RPS6KC1: variants seen among roughly 807,000 people sequenced by gnomAD.
The protein encoded by RPS6KC1 is ribosomal protein S6 kinase C1, also known as inactive ribosomal protein S6 kinase delta-1.
In RPS6KC1, 54 loss-of-function variants were observed where a neutral mutation model predicts 103.8. That is an observed-to-expected ratio of 0.52 (90% CI 0.42 to 0.65). The LOEUF (loss-of-function observed/expected upper bound fraction) is 0.65, where lower values mean the gene tolerates loss of function less well. Ranked by LOEUF, RPS6KC1 falls within the 30% of genes least tolerant of loss-of-function variation. The probability of loss-of-function intolerance (pLI) is 0.00; values close to 1 mark genes in which losing one functional copy is unlikely to be tolerated. For missense variants in RPS6KC1, 1,151 were observed against 1,253.8 expected, an observed-to-expected ratio of 0.92 and a Z score of 1.24; for synonymous variants, 439 against 438.7, an observed-to-expected ratio of 1.00 and a Z score of -0.01.
the RPS6KC1 span, among the ~76,000 whole-genome samples, chr1:213,508,964 G>T: frequency 3.3e-5 from 5 of 152,286 alleles, no homozygotes; most frequent in East Asian, 7.7e-4. Flanking sequence ...TCCCAGGTGG[G>T]TTGTAAAAAA....
chr1:213,398,216 T>G, the RPS6KC1 span, among the ~76,000 whole-genome samples: 3 of 149,278 alleles, frequency 2.0e-5, no homozygotes, highest in African/African-American at 7.5e-5. Context: ...TTTTTTTTTT[T>G]TGTATTTTTA....
chr1:213,440,375 C>T, the RPS6KC1 span, among the ~76,000 whole-genome samples: 6 of 152,132 alleles, frequency 3.9e-5, no homozygotes, highest in Admixed American at 3.9e-4. Context: ...GATGTGAAGA[C>T]TTCTTTCTCT....
chr1:213,281,173 T>G, the RPS6KC1 span, among the ~76,000 whole-genome samples: 7 of 152,166 alleles, frequency 4.6e-5, no homozygotes, highest in Middle Eastern at 3.2e-3. Flanking sequence ...AGGGGCTATT[T>G]CCCCCATCTT....
At chr1:213,844,802 C>T in the RPS6KC1 span, among the ~76,000 whole-genome samples, 2 of 152,252 alleles carry the variant, frequency 1.3e-5, no homozygotes, top group African/African-American at 4.8e-5. Flanking sequence ...TAAGCAAATA[C>T]ACCACTAAGT....
At chr1:213,749,477 C>T in the RPS6KC1 span, among the ~76,000 whole-genome samples, 1 of 152,136 alleles carries the variant, frequency 6.6e-6, no homozygotes, top group Non-Finnish European at 1.5e-5. Flanking sequence ...CATACAACTG[C>T]CAAGCACATG....
the RPS6KC1 span, among the ~76,000 whole-genome samples, chr1:213,568,665 A>G: frequency 6.6e-6 from 1 of 152,106 alleles, no homozygotes; most frequent in African/African-American, 2.4e-5. Context: ...AAACAATATC[A>G]TGCCCATTTT....
chr1:213,428,525 T>TTCCTTC, the RPS6KC1 span, among the ~76,000 whole-genome samples: 2 of 30,918 alleles, frequency 6.5e-5, no homozygotes, highest in East Asian at 4.7e-3. Flanking sequence ...TTCCTCTTTC[T>TTCCTTC]CTCTCTCTCT....
At chr1:213,424,679 T>C in the RPS6KC1 span, among the ~76,000 whole-genome samples, 2 of 152,236 alleles carry the variant, frequency 1.3e-5, no homozygotes, top group African/African-American at 4.8e-5. Flanking sequence ...TTCATTTTGT[T>C]GTTGTTTTAT....
the RPS6KC1 span, among the ~76,000 whole-genome samples, chr1:213,563,974 T>C: frequency 1.1e-5 from 1 of 90,176 alleles, no homozygotes; most frequent in South Asian, 3.5e-4. Context: ...GCTTACCTCT[T>C]TTTTTTTTTT....
the RPS6KC1 span, among the ~76,000 whole-genome samples, chr1:213,282,108 G>A: frequency 6.6e-6 from 1 of 152,230 alleles, no homozygotes; most frequent in Non-Finnish European, 1.5e-5. Context: ...AAGCATTGCC[G>A]GCAGTTGTGC....
At chr1:213,404,013 A>T in the RPS6KC1 span, among the ~76,000 whole-genome samples, 1 of 152,162 alleles carries the variant, frequency 6.6e-6, no homozygotes, top group African/African-American at 2.4e-5. Flanking sequence ...GAGAAGGCAG[A>T]TGAGGGAGGC....
chr1:213,623,316 C>T, the RPS6KC1 span, among the ~76,000 whole-genome samples: 1 of 152,084 alleles, frequency 6.6e-6, no homozygotes, highest in Non-Finnish European at 1.5e-5. Flanking sequence ...GGGAGATTTG[C>T]GGAACCGTGT....
At chr1:213,502,583 T>C in the RPS6KC1 span, among the ~76,000 whole-genome samples, 1 of 152,190 alleles carries the variant, frequency 6.6e-6, no homozygotes, top group African/African-American at 2.4e-5. Flanking sequence ...TTATGGTCCA[T>C]CTATAAATCA....
chr1:213,809,498 C>T, the RPS6KC1 span, among the ~76,000 whole-genome samples: 27 of 152,012 alleles, frequency 1.8e-4, no homozygotes, highest in East Asian at 3.9e-4. Flanking sequence ...ACAGGGTTTT[C>T]GCAAACCTTA....
intron 1 of RPS6KC1, among the ~76,000 whole-genome samples, chr1:213,061,169 A>G (rs996630194): frequency 6.6e-6 from 1 of 152,148 alleles, no homozygotes; most frequent in Non-Finnish European, 1.5e-5. Context: ...CATCCATCAC[A>G]TTGGGGATGA....
the RPS6KC1 span, among the ~76,000 whole-genome samples, chr1:213,438,962 T>G: frequency 2.0e-5 from 3 of 151,880 alleles, no homozygotes; most frequent in African/African-American, 7.2e-5. Flanking sequence ...CCCAGCTAAT[T>G]TTTTGTATTT....
the RPS6KC1 span, among the ~76,000 whole-genome samples, chr1:213,790,608 AAGAG>A: frequency 6.6e-6 from 1 of 152,162 alleles, no homozygotes; most frequent in Non-Finnish European, 1.5e-5. Flanking sequence ...GGGGAAGAGA[AAGAG>A]AGAGAAAAAG....
chr1:213,491,037 T>C, the RPS6KC1 span, among the ~76,000 whole-genome samples: 9 of 152,146 alleles, frequency 5.9e-5, no homozygotes. Context: ...GAGCTGTGTT[T>C]GAGGAGGAAC....
chr1:213,469,268 C>T, the RPS6KC1 span, among the ~76,000 whole-genome samples: 4 of 152,146 alleles, frequency 2.6e-5, no homozygotes, highest in East Asian at 7.7e-4. Context: ...TGGTGGTAAA[C>T]CTGAAAACAG....
Sources: gnomAD v4.1 joint callset for allele counts (sites outside exome capture counted in the v4.1 genomes callset) on GRCh38, gnomAD v4.1.1 for gene constraint, MANE v1.5 for transcripts, NCBI Gene and HGNC (gene_info 2026-07-23, HGNC 2026-07-21) for gene names.